The following ACOT11 variants were observed in gnomAD, a reference collection of about 807,000 sequenced individuals.
ACOT11 encodes acyl-coenzyme A thioesterase 11.
In ACOT11, 69 loss-of-function variants were observed where a neutral mutation model predicts 77.5. The observed-to-expected ratio is 0.89, with a 90% CI of 0.73 to 1.09. The LOEUF (loss-of-function observed/expected upper bound fraction) is 1.09, where lower values mean the gene tolerates loss of function less well. Among genes scored for constraint, ACOT11 ranks in the 50% least tolerant of loss-of-function variants. The pLI is 0.00. For missense variants in ACOT11, 766 were observed against 813.7 expected (o/e 0.94, Z 0.71); for synonymous variants, 279 against 313.0 (o/e 0.89, Z 1.15).
intron 16 of ACOT11, chr1:54,630,906 C>G: frequency 1.4e-6 from 1 of 698,948 alleles, no homozygotes. Context: ...AAGGGGAGTC[C>G]GGAAGCGTCA....
chr1:54,602,798 C>A, intron 10 of ACOT11, 74 bp downstream of exon 10: 1 of 1,408,992 alleles, frequency 7.1e-7, no homozygotes, highest in Non-Finnish European at 9.3e-7. Context: ...AGGGCACTCG[C>A]TTTTCTTCAG....
At position 54,636,671 on chromosome 1, in the gene ACOT11, G is replaced by A. The variant is rs1461358775; in HGVS notation, c.*1942G>A. ...TCCTCAGCACAGACCCTTTATGGGT[G>A]TCGGGCTGGGGGATGGTCAGGTCTT... On this transcript the variant is annotated 3_prime_UTR_variant, in exon 17 of 17. Transcript: ENST00000371316. 3 of 150,936 alleles carry A rather than the reference G, an allele frequency of 2.0e-5. No homozygotes were observed. The East Asian group carries it at 6.2e-4, about 31-fold the overall frequency. The allele number at this position is 150,936 out of a possible 1,614,324, so 9.3% of individuals were successfully genotyped here.
At chr1:54,566,347 C>T (rs1345963117) in intron 1 of ACOT11, among the ~76,000 whole-genome samples, 1 of 151,680 alleles carries the variant, frequency 6.6e-6, no homozygotes, top group African/African-American at 2.4e-5. Flanking sequence ...ATCCCAGCTA[C>T]TTGGGTGGCT....
rs1365582408 is a variant in ACOT11, at chr1:54,609,191, C to A, written c.*79C>A. ...CTCACATACAGTGCCTGGAGAAAGC[C>A]AAAGACCTTTATTTCTTCCTGCCTC... On this transcript the variant is annotated 3_prime_UTR_variant, in exon 16 of 16. Coordinates refer to ENST00000343744, the MANE Select transcript of ACOT11 (RefSeq NM_147161.4). 1 of 1,599,912 alleles carries A rather than the reference C, an allele frequency of 6.3e-7. No homozygotes were observed. The highest frequency in any genetic ancestry group is 8.5e-7 in the Non-Finnish European group (1 of 1,172,226).
chr1:54,562,527 T>C (rs1169172678), intron 1 of ACOT11, among the ~76,000 whole-genome samples: 1 of 75,170 alleles, frequency 1.3e-5, no homozygotes, highest in Non-Finnish European at 2.8e-5. Flanking sequence ...ATGGGGCGGC[T>C]GGCCGGGCGG....
intron 1 of ACOT11, among the ~76,000 whole-genome samples, chr1:54,553,630 A>T (rs986227370): frequency 3.9e-5 from 6 of 152,056 alleles, no homozygotes; most frequent in African/African-American, 1.4e-4. Context: ...CAGAACATCT[A>T]CTCTGCATTT....
chr1:54,590,044 T>A (rs971599072), intron 3 of ACOT11, among the ~76,000 whole-genome samples: 4 of 149,900 alleles, frequency 2.7e-5, no homozygotes, highest in African/African-American at 9.9e-5. Context: ...GCCGAGATAG[T>A]GCCATAGCAC....
downstream of ACOT11, chr1:54,610,940 T>G: frequency 3.0e-6 from 3 of 985,408 alleles, no homozygotes; most frequent in South Asian, 1.4e-4. Context: ...ATCTGATCAC[T>G]GCTTAATGAA....
At chr1:54,573,553 T>C (rs532273891) in intron 1 of ACOT11, among the ~76,000 whole-genome samples, 2 of 152,126 alleles carry the variant, frequency 1.3e-5, no homozygotes, top group East Asian at 3.9e-4. Context: ...GCCAACATGG[T>C]GAAACCCCAT....
chr1:54,592,054 G>A (rs1219447109), intron 3 of ACOT11, among the ~76,000 whole-genome samples: 1 of 152,180 alleles, frequency 6.6e-6, no homozygotes, highest in East Asian at 1.9e-4. Context: ...GACCCACCCT[G>A]TGCCATGTGC....
chr1:54,588,940 GA>G (rs1368912761), intron 3 of ACOT11, among the ~76,000 whole-genome samples: 2 of 152,150 alleles, frequency 1.3e-5, no homozygotes, highest in African/African-American at 4.8e-5. Flanking sequence ...GAAAGATTAA[GA>G]AGTTTTTTTG....
At chr1:54,562,673 T>G (rs1444407581) in intron 1 of ACOT11, among the ~76,000 whole-genome samples, 8 of 89,700 alleles carry the variant, frequency 8.9e-5, no homozygotes, top group Non-Finnish European at 1.4e-4. Context: ...AGGCAGAGGG[T>G]CTCCTCACTT....
intron 5 of ACOT11, among the ~76,000 whole-genome samples, 199 bp downstream of exon 5, chr1:54,594,238 C>T (rs1021259448): frequency 6.6e-6 from 1 of 152,184 alleles, no homozygotes; most frequent in Non-Finnish European, 1.5e-5. Flanking sequence ...CTTTCCCCAC[C>T]TCTCCCTGTG....
intron 6 of ACOT11, among the ~76,000 whole-genome samples, chr1:54,596,774 C>G (rs1654913031): frequency 6.6e-6 from 1 of 152,152 alleles, no homozygotes; most frequent in South Asian, 2.1e-4. Flanking sequence ...AAAGTTTCAC[C>G]ATGTTGGCCA....
At chr1:54,551,392 C>T (rs948601359) in intron 1 of ACOT11, among the ~76,000 whole-genome samples, 3 of 152,190 alleles carry the variant, frequency 2.0e-5, no homozygotes, top group South Asian at 2.1e-4. Flanking sequence ...GGTCAGCCTG[C>T]TGCCACGCTC....
At chr1:54,610,793 C>T, downstream of ACOT11, 5 of 984,694 alleles carry the variant, frequency 5.1e-6, no homozygotes, top group Non-Finnish European at 6.0e-6. Flanking sequence ...CTGCCTGGCT[C>T]CAGAGCTGGT....
chr1:54,594,533 C>A, intron 5 of ACOT11, 23 bp from the exon 6 acceptor site: 1 of 1,603,820 alleles, frequency 6.2e-7, no homozygotes, highest in East Asian at 2.2e-5. Context: ...TGAGTGTCCC[C>A]CACCCTGTCC....
At chr1:54,597,444 C>T (rs770280405) in intron 7 of ACOT11, 29 bp downstream of exon 7, 4 of 1,579,214 alleles carry the variant, frequency 2.5e-6, no homozygotes, top group Non-Finnish European at 3.4e-6. Flanking sequence ...GCCTCTGCCT[C>T]CCCTCCTTTC....
chr1:54,614,477 G>T (rs1483378577), downstream of ACOT11, among the ~76,000 whole-genome samples: 2 of 152,116 alleles, frequency 1.3e-5, no homozygotes, highest in Admixed American at 1.3e-4. Context: ...AGTGGCCTAA[G>T]ATGTCAAGGA....
Sources: allele counts gnomAD v4.1 joint callset (sites outside exome capture counted in the v4.1 genomes callset), GRCh38; gene constraint gnomAD v4.1.1; transcripts MANE v1.5; gene names NCBI Gene and HGNC (gene_info 2026-07-23, HGNC 2026-07-21).